The following ASTN1 variants were observed in gnomAD, a reference collection of about 807,000 sequenced individuals.
The protein encoded by ASTN1 is astrotactin 1, also known as astrotactin-1.
Under a neutral mutation model 140.7 loss-of-function variants are expected in ASTN1, and 41 were observed. The observed-to-expected ratio is 0.29, with a 90% CI of 0.23 to 0.38. The LOEUF is 0.38. Ranked by LOEUF, ASTN1 falls within the 10% of genes least tolerant of loss-of-function variation. The pLI is 1.00. For missense variants in ASTN1, 1,479 were observed against 1,678.8 expected (o/e 0.88, Z 2.08); for synonymous variants, 640 against 652.2 (o/e 0.98, Z 0.29).
At chr1:177,016,638 A>G (rs559069724) in intron 7 of ASTN1, among the ~76,000 whole-genome samples, 1 of 152,352 alleles carries the variant, frequency 6.6e-6, no homozygotes, top group African/African-American at 2.4e-5. Flanking sequence ...ACACCTTCTC[A>G]ATTCCAAAGA....
chr1:177,001,067 A>C (rs1009136810), intron 8 of ASTN1, among the ~76,000 whole-genome samples: 2 of 152,196 alleles, frequency 1.3e-5, no homozygotes, highest in Non-Finnish European at 2.9e-5. Flanking sequence ...GTTCTGCCCA[A>C]ACCACCCCCA....
At chr1:177,130,214 C>T in intron 1 of ASTN1, among the ~76,000 whole-genome samples, 1 of 152,082 alleles carries the variant, frequency 6.6e-6, no homozygotes, top group East Asian at 1.9e-4. Context: ...ACAAAACAGC[C>T]ACCTTGTCTC....
intron 1 of ASTN1, among the ~76,000 whole-genome samples, chr1:177,089,190 A>G (rs1679623834): frequency 1.3e-5 from 2 of 152,190 alleles, no homozygotes; most frequent in South Asian, 4.1e-4. Context: ...ATGTGCAGGC[A>G]TGGAGCAGGC....
chr1:177,022,607 T>C, intron 7 of ASTN1, among the ~76,000 whole-genome samples: 1 of 152,190 alleles, frequency 6.6e-6, no homozygotes, highest in East Asian at 1.9e-4. Context: ...TTTGATAGTA[T>C]AACAGACTTG....
chr1:176,929,134 G>C (rs1671095595), intron 16 of ASTN1, among the ~76,000 whole-genome samples: 2 of 152,352 alleles, frequency 1.3e-5, no homozygotes, highest in Non-Finnish European at 1.5e-5. Flanking sequence ...GTAGCAGTCA[G>C]TGATGCAGTG....
At chr1:177,023,069 C>T (rs146006480) in intron 7 of ASTN1, among the ~76,000 whole-genome samples, 2 of 152,268 alleles carry the variant, frequency 1.3e-5, no homozygotes, top group East Asian at 1.9e-4. Flanking sequence ...AAGTTTTCTA[C>T]AATAAACATG....
chr1:177,059,003 A>T (rs1333355144), intron 2 of ASTN1, among the ~76,000 whole-genome samples: 2 of 151,292 alleles, frequency 1.3e-5, no homozygotes, highest in Non-Finnish European at 3.0e-5. Flanking sequence ...CCCTCCCTAG[A>T]CTCCCCTTCT....
chr1:177,141,100 C>T (rs1180124214), intron 1 of ASTN1, among the ~76,000 whole-genome samples: 1 of 152,132 alleles, frequency 6.6e-6, no homozygotes, highest in Admixed American at 6.5e-5. Context: ...CCCGTAATCC[C>T]AGCTACTCGG....
At chr1:177,087,163 T>C (rs1442414257) in intron 1 of ASTN1, among the ~76,000 whole-genome samples, 1 of 152,168 alleles carries the variant, frequency 6.6e-6, no homozygotes, top group Non-Finnish European at 1.5e-5. Context: ...AGTGAAATCC[T>C]TTGGACTCTG....
At chr1:177,113,290 TC>T (rs1221619870) in intron 1 of ASTN1, among the ~76,000 whole-genome samples, 1 of 151,874 alleles carries the variant, frequency 6.6e-6, no homozygotes, top group African/African-American at 2.4e-5. Context: ...GAGCCCACTG[TC>T]CCCCCAACCC....
chr1:177,020,501 C>G (rs1456212201), intron 7 of ASTN1, among the ~76,000 whole-genome samples: 6 of 152,168 alleles, frequency 3.9e-5, no homozygotes, highest in Non-Finnish European at 8.8e-5. Flanking sequence ...CTCTGACCTC[C>G]TTTTCTGCCT....
chr1:176,931,333 G>A (rs941207262), intron 16 of ASTN1, among the ~76,000 whole-genome samples: 2 of 152,108 alleles, frequency 1.3e-5, no homozygotes, highest in East Asian at 3.9e-4. Context: ...AGGCATAGTG[G>A]TGCATGCCTG....
At chr1:176,936,442 C>A in intron 14 of ASTN1, 72 bp from the exon 15 acceptor site, 1 of 1,206,494 alleles carries the variant, frequency 8.3e-7, no homozygotes, top group Non-Finnish European at 1.2e-6. Flanking sequence ...GCATGACCCA[C>A]CTCTATGAGG....
intron 16 of ASTN1, among the ~76,000 whole-genome samples, chr1:176,906,679 C>T (rs73047974): frequency 2.6e-5 from 4 of 151,914 alleles, no homozygotes; most frequent in African/African-American, 9.7e-5. Flanking sequence ...CAAGGTAAAA[C>T]CCCATCTCTA....
chr1:176,965,130 C>A lies in ASTN1; in HGVS notation c.1598+33G>T, dbSNP rs373448436. 10 of 1,593,646 alleles carry A rather than the reference C, an allele frequency of 6.3e-6. No individual in the cohort carries two copies. In the South Asian group the frequency reaches 8.8e-5, roughly 14 times the overall value. ...GGAAGCGGAACACAGGGTTTGCAGA[C>A]GTACATAAGCAAGTCCCTAGACAAT... On this transcript the variant is annotated intron_variant, in intron 9 of 22. Coordinates refer to ENST00000361833, the MANE Select transcript of ASTN1 (RefSeq NM_004319.3).
intron 11 of ASTN1, among the ~76,000 whole-genome samples, chr1:176,952,967 C>A (rs930958864): frequency 1.3e-5 from 2 of 152,172 alleles, no homozygotes; most frequent in Non-Finnish European, 2.9e-5. Context: ...GGCAACAGCC[C>A]TCCCCTAACA....
intron 1 of ASTN1, among the ~76,000 whole-genome samples, chr1:177,097,470 T>A (rs1162190248): frequency 6.6e-6 from 1 of 152,192 alleles, no homozygotes; most frequent in African/African-American, 2.4e-5. Context: ...AAGTTAAGTA[T>A]CAATTTCCTC....
intron 16 of ASTN1, among the ~76,000 whole-genome samples, chr1:176,914,143 C>T (rs1336275439): frequency 6.6e-6 from 1 of 152,106 alleles, no homozygotes; most frequent in African/African-American, 2.4e-5. Flanking sequence ...ATGACAAAAC[C>T]GGGCAACAGA....
chr1:176,909,943 T>G (rs1483575163), intron 16 of ASTN1, among the ~76,000 whole-genome samples: 1 of 152,186 alleles, frequency 6.6e-6, no homozygotes, highest in African/African-American at 2.4e-5. Flanking sequence ...GTATTTAATT[T>G]TTCATTCCTA....
Sources: gnomAD v4.1 joint callset for allele counts (sites outside exome capture counted in the v4.1 genomes callset) on GRCh38, gnomAD v4.1.1 for gene constraint, MANE v1.5 for transcripts, NCBI Gene and HGNC (gene_info 2026-07-23, HGNC 2026-07-21) for gene names.